The following PTTG1IP variants were observed in gnomAD, a reference collection of about 807,000 sequenced individuals.
PTTG1IP encodes pituitary tumor-transforming gene 1 protein-interacting protein.
PTTG1IP carries 16 observed loss-of-function variants against 24.4 expected under a neutral mutation model. That is an observed-to-expected ratio of 0.66 (90% CI 0.44 to 1.00). The LOEUF is 1.00. PTTG1IP is among the 50% of genes least tolerant of loss of function. The probability of loss-of-function intolerance (pLI) is 0.00; values close to 1 mark genes in which losing one functional copy is unlikely to be tolerated. For missense variants in PTTG1IP, 241 were observed against 245.8 expected, an observed-to-expected ratio of 0.98 and a Z score of 0.13; for synonymous variants, 89 against 96.8, an observed-to-expected ratio of 0.92 and a Z score of 0.47.
chr21:44,857,022 C>CA (rs2083454971), intron 3 of PTTG1IP, among the ~76,000 whole-genome samples: 1 of 152,208 alleles, frequency 6.6e-6, no homozygotes, highest in Admixed American at 6.5e-5. Context: ...AGCCTTCAGA[C>CA]ACACGTGCAC....
chr21:44,868,483 T>C (rs983508584), intron 1 of PTTG1IP, among the ~76,000 whole-genome samples: 4 of 151,888 alleles, frequency 2.6e-5, no homozygotes, highest in Non-Finnish European at 5.9e-5. Context: ...ATTCCAGAAG[T>C]GGGGCAGGAA....
intron 2 of PTTG1IP, among the ~76,000 whole-genome samples, chr21:44,862,736 G>C (rs1016207281): frequency 1.1e-4 from 16 of 152,178 alleles, no homozygotes; most frequent in African/African-American, 3.1e-4. Flanking sequence ...TTCTTTCCCA[G>C]GGCTACTTAT....
intron 2 of PTTG1IP, chr21:44,861,856 T>C (rs2083494768): frequency 2.8e-6 from 2 of 717,362 alleles, no homozygotes; most frequent in Admixed American, 2.0e-5. Context: ...TGAGTTTGTG[T>C]TGAATGGACT....
chr21:44,870,712 GC>G (rs1244669731), intron 1 of PTTG1IP, among the ~76,000 whole-genome samples: 3 of 152,098 alleles, frequency 2.0e-5, no homozygotes, highest in Admixed American at 1.3e-4. Flanking sequence ...GAATGTGACT[GC>G]CCTGACTTCT....
At chr21:44,861,581 C>T (rs1450541195) in intron 2 of PTTG1IP, 1 of 631,794 alleles carries the variant, frequency 1.6e-6, no homozygotes, top group Non-Finnish European at 2.9e-6. Flanking sequence ...GCTGCCAACC[C>T]CACCTCATGC....
At chr21:44,863,884 C>A (rs2083513858) in intron 2 of PTTG1IP, among the ~76,000 whole-genome samples, 2 of 152,238 alleles carry the variant, frequency 1.3e-5, no homozygotes, top group African/African-American at 4.8e-5. Flanking sequence ...GCTACGGTCT[C>A]GTGGAGGAAG....
chr21:44,870,673 C>G (rs760153625), intron 1 of PTTG1IP, among the ~76,000 whole-genome samples: 14 of 151,942 alleles, frequency 9.2e-5, no homozygotes, highest in Non-Finnish European at 1.6e-4. Flanking sequence ...GAGATAAAAA[C>G]TGCCCTTGTG....
chr21:44,860,164 C>T (rs1168078288), intron 3 of PTTG1IP, among the ~76,000 whole-genome samples: 5 of 152,060 alleles, frequency 3.3e-5, no homozygotes, highest in African/African-American at 4.8e-5. Flanking sequence ...GTCAGGAGAT[C>T]GAGACCATCC....
intron 1 of PTTG1IP, among the ~76,000 whole-genome samples, chr21:44,870,551 A>AGGC (rs1204118962): frequency 6.7e-6 from 1 of 149,462 alleles, no homozygotes; most frequent in East Asian, 2.0e-4. Flanking sequence ...AAAAAAAAGA[A>AGGC]AGGCATGAAT....
At position 44,849,875 on chromosome 21, in the gene PTTG1IP, A is replaced by G. The variant is rs1325910445; in HGVS notation, c.*1706T>C. 1.3e-5 allele frequency: 2 copies of G among 152,222 alleles called. No individual in the cohort carries two copies. The highest frequency in any genetic ancestry group is 2.4e-5 in the African/African-American group (1 of 41,446). The allele number at this position is 152,222 out of a possible 1,614,324, so 9.4% of individuals were successfully genotyped here. On this transcript the variant is annotated 3_prime_UTR_variant, in exon 6 of 6. Coordinates refer to ENST00000330938, the MANE Select transcript of PTTG1IP (RefSeq NM_004339.4). ...ATTCATACAGAGTTCACTGAAGTCT[A>G]TTACCAAGTGTCTTTTATGAATAAA...
chr21:44,865,446 A>G lies in PTTG1IP; in HGVS notation c.117T>C (p.Ala39=). Residue 39 remains alanine (A), a splice_region_variant and synonymous_variant, in exon 2 of 6, where the codon GCT becomes GCC. Transcript: ENST00000330938. ...VAAAQEPPGA[A]CSQNTNKTCE... ...AGGTTTTGTTTGTGTTCTGAGAACA[A>G]GCTGCAGGAAAGAGGCAAGAGACAA... The G allele has an allele frequency of 6.2e-7, 1 of 1,614,206 alleles. No individual in the cohort carries two copies. The highest frequency in any genetic ancestry group is 1.3e-5 in the African/African-American group (1 of 75,056).
Position 44,849,879 on chromosome 21 carries a change from C to T in PTTG1IP, c.*1702G>A, listed in dbSNP as rs915487681. ...ATACAGAGTTCACTGAAGTCTATTA[C>T]CAAGTGTCTTTTATGAATAAACAAT... On this transcript the variant is annotated 3_prime_UTR_variant, in exon 6 of 6. Coordinates refer to ENST00000330938, the MANE Select transcript of PTTG1IP (RefSeq NM_004339.4). 1 of 152,168 alleles carries T rather than the reference C, an allele frequency of 6.6e-6. No homozygotes were observed. Among genetic ancestry groups the T allele is most frequent in the Non-Finnish European group, 1.5e-5 (1 of 68,030 alleles). The allele number at this position is 152,168 out of a possible 1,614,324, so 9.4% of individuals were successfully genotyped here.
At chr21:44,859,652 T>C (rs1012403234) in intron 3 of PTTG1IP, among the ~76,000 whole-genome samples, 1 of 152,024 alleles carries the variant, frequency 6.6e-6, no homozygotes, top group Non-Finnish European at 1.5e-5. Flanking sequence ...TTAAGAGAAG[T>C]TCCATGGAAG....
rs756768129 is a variant in PTTG1IP at position 44,851,403 on chromosome 21, A to G, written c.*178T>C. 4 of 1,563,060 alleles carry G rather than the reference A, an allele frequency of 2.6e-6. No homozygotes were observed. In the East Asian group the frequency reaches 9.4e-5, roughly 37 times the overall value. ...GATGAACAGGGAATAGAAGGTCACC[A>G]GTCTGCAAGACGAGAGGACTGTCCT... On this transcript the variant is annotated 3_prime_UTR_variant, in exon 6 of 6. Transcript: ENST00000330938.
rs2083411693 is a variant in PTTG1IP at position 44,851,554 on chromosome 21, G to A, written c.*27C>T. ...CTGCGGAGCGTGCACCTCACAGGAA[G>A]CGTCGGGACTGATGTGCTGGAGCGC... On this transcript the variant is annotated 3_prime_UTR_variant, in exon 6 of 6. Coordinates refer to ENST00000330938, the MANE Select transcript of PTTG1IP (RefSeq NM_004339.4). 1 of 1,612,750 alleles carries A rather than the reference G, an allele frequency of 6.2e-7. No homozygotes were observed. The highest frequency in any genetic ancestry group is 8.5e-7 in the Non-Finnish European group (1 of 1,178,758).
chr21:44,866,047 C>T (rs1222384347), intron 1 of PTTG1IP, among the ~76,000 whole-genome samples: 1 of 152,078 alleles, frequency 6.6e-6, no homozygotes, highest in Non-Finnish European at 1.5e-5. Context: ...CCACACAGAA[C>T]ACCCTGAGAC....
intron 3 of PTTG1IP, among the ~76,000 whole-genome samples, chr21:44,859,269 T>G (rs1314127887): frequency 6.6e-6 from 1 of 152,216 alleles, no homozygotes; most frequent in Non-Finnish European, 1.5e-5. Flanking sequence ...GTCCAGTCAG[T>G]GGCTCCCATG....
chr21:44,862,929 A>C (rs1469251450), intron 2 of PTTG1IP, among the ~76,000 whole-genome samples: 1 of 151,862 alleles, frequency 6.6e-6, no homozygotes, highest in African/African-American at 2.4e-5. Flanking sequence ...CTGATTTTCC[A>C]TTTTTCCATG....
At chr21:44,856,897 C>T (rs976136486) in intron 3 of PTTG1IP, among the ~76,000 whole-genome samples, 1 of 152,066 alleles carries the variant, frequency 6.6e-6, no homozygotes, top group African/African-American at 2.4e-5. Flanking sequence ...CGTGGAGGAG[C>T]GGACGAGACC....
Sources: allele counts gnomAD v4.1 joint callset (sites outside exome capture counted in the v4.1 genomes callset), GRCh38; gene constraint gnomAD v4.1.1; transcripts MANE v1.5; gene names NCBI Gene and HGNC (gene_info 2026-07-23, HGNC 2026-07-21).